Variants in CD1B observed in about 807,000 individuals in gnomAD.
The protein encoded by CD1B is CD1b molecule, also known as T-cell surface glycoprotein CD1b.
In CD1B, 43 loss-of-function variants were observed where a neutral mutation model predicts 39.8. The observed-to-expected ratio is 1.08, with a 90% CI of 0.85 to 1.39. The LOEUF (loss-of-function observed/expected upper bound fraction) is 1.39, where lower values mean the gene tolerates loss of function less well. Among genes scored for constraint, CD1B ranks in the 40% most tolerant of loss-of-function variants. The pLI is 0.00. For missense variants in CD1B, 495 were observed against 403.8 expected, an observed-to-expected ratio of 1.23 and a Z score of -1.94; for synonymous variants, 192 against 152.5, an observed-to-expected ratio of 1.26 and a Z score of -1.91.
chr1:158,330,849 A>T lies in CD1B; in HGVS notation c.275T>A (p.Ile92Asn). The change falls in exon 2 of 6, where the codon ATC (isoleucine) becomes AAC (asparagine). Residue 92 changes from isoleucine (I) to asparagine (N), a missense_variant. By Grantham distance (149) the Ile-to-Asn change is moderately radical. Coordinates refer to ENST00000368168, the MANE Select transcript of CD1B (RefSeq NM_001764.3). ...AELEEIFRVY[I>N]FGFAREVQDF... ...TTGTACTTCTCGAGCGAATCCAAAGATGTAGACTCGGAATATCTCCTCTAA... is the reference window on the plus strand; with the variant it reads ...TTGTACTTCTCGAGCGAATCCAAAGTTGTAGACTCGGAATATCTCCTCTAA... 1 of 1,614,140 alleles carries T rather than the reference A, an allele frequency of 6.2e-7. No individual in the cohort carries two copies. The highest frequency in any genetic ancestry group is 8.5e-7 in the Non-Finnish European group (1 of 1,179,984).
chr1:158,316,151 G>C, the CD1B span, among the ~76,000 whole-genome samples: 1 of 151,840 alleles, frequency 6.6e-6, no homozygotes, highest in African/African-American at 2.4e-5. Context: ...GCTCTTTTTT[G>C]GTTCCATATG....
At chr1:158,327,768 G>C (rs1464977779), downstream of CD1B, among the ~76,000 whole-genome samples, 1 of 152,200 alleles carries the variant, frequency 6.6e-6, no homozygotes, top group Non-Finnish European at 1.5e-5. Flanking sequence ...CATCTCAGCT[G>C]AGCCTTCAGG....
At chr1:158,292,952 A>C in the CD1B span, 2 of 1,414,818 alleles carry the variant, frequency 1.4e-6, no homozygotes, top group Admixed American at 1.9e-5. Flanking sequence ...TGAGGATAGC[A>C]GACCTAGGTG....
chr1:158,289,943 A>G, the CD1B span: 1 of 815,880 alleles, frequency 1.2e-6, no homozygotes, highest in Non-Finnish European at 2.0e-6. Flanking sequence ...AGTTGCTGTC[A>G]GCGGCTGATG....
chr1:158,314,080 G>T, the CD1B span, among the ~76,000 whole-genome samples: 1 of 151,550 alleles, frequency 6.6e-6, no homozygotes, highest in African/African-American at 2.4e-5. Flanking sequence ...TTAAAAGTTT[G>T]TCAGGTTTTG....
At chr1:158,324,483 G>A (rs1321974192), downstream of CD1B, among the ~76,000 whole-genome samples, 4 of 152,282 alleles carry the variant, frequency 2.6e-5, no homozygotes, top group South Asian at 6.2e-4. Flanking sequence ...AACATATATA[G>A]TGGGATTAGA....
At chr1:158,313,718 T>G in the CD1B span, among the ~76,000 whole-genome samples, 130 of 152,328 alleles carry the variant, frequency 8.5e-4, 4 homozygotes, top group South Asian at 0.023. Flanking sequence ...TCAGTTTTTT[T>G]GGGGGCAGTT....
chr1:158,325,710 T>A (rs927792394), downstream of CD1B, among the ~76,000 whole-genome samples: 3 of 152,104 alleles, frequency 2.0e-5, no homozygotes, highest in Non-Finnish European at 4.4e-5. Flanking sequence ...TTTCTGGTGA[T>A]CTCAATCTTT....
the CD1B span, among the ~76,000 whole-genome samples, chr1:158,287,771 A>C: frequency 6.6e-6 from 1 of 152,216 alleles, no homozygotes; most frequent in East Asian, 1.9e-4. Flanking sequence ...TTATAAATAA[A>C]CTTTAGAACT....
chr1:158,330,176 A>G (rs940659607), intron 2 of CD1B, 46 bp from the exon 3 acceptor site: 2 of 1,525,988 alleles, frequency 1.3e-6, no homozygotes, highest in African/African-American at 1.4e-5. Context: ...CAAATAAGAA[A>G]AAAAGGCATG....
chr1:158,311,850 T>C, the CD1B span, among the ~76,000 whole-genome samples: 7 of 152,332 alleles, frequency 4.6e-5, no homozygotes, highest in African/African-American at 1.4e-4. Context: ...GTTCCGCTGA[T>C]CTATGTATCT....
At chr1:158,303,531 T>G in the CD1B span, among the ~76,000 whole-genome samples, 1 of 152,198 alleles carries the variant, frequency 6.6e-6, no homozygotes, top group Non-Finnish European at 1.5e-5. Context: ...CCCCATAGTC[T>G]CTGTGCAAAG....
chr1:158,300,157 A>T, the CD1B span, among the ~76,000 whole-genome samples: 1 of 152,114 alleles, frequency 6.6e-6, no homozygotes, highest in Non-Finnish European at 1.5e-5. Flanking sequence ...ACTGCTTTAC[A>T]TGTGTCCCAG....
chr1:158,316,285 A>G, the CD1B span, among the ~76,000 whole-genome samples: 1 of 152,146 alleles, frequency 6.6e-6, no homozygotes, highest in Admixed American at 6.5e-5. Flanking sequence ...CTTCCTACCC[A>G]TGAGCATGGA....
the CD1B span, among the ~76,000 whole-genome samples, chr1:158,317,043 T>G: frequency 6.6e-6 from 1 of 151,828 alleles, no homozygotes; most frequent in Non-Finnish European, 1.5e-5. Flanking sequence ...TTTGATGTGC[T>G]GCTGGATTTG....
the CD1B span, among the ~76,000 whole-genome samples, chr1:158,288,245 C>T: frequency 1.4e-4 from 21 of 152,272 alleles, no homozygotes; most frequent in East Asian, 3.9e-3. Context: ...ATATCTGTGG[C>T]CATGATAGGA....
the CD1B span, among the ~76,000 whole-genome samples, chr1:158,314,116 G>C: frequency 0.012 from 1,764 of 152,092 alleles, 34 homozygotes; most frequent in African/African-American, 0.04. Flanking sequence ...ACAGAGTCTA[G>C]CTCCATTGCC....
chr1:158,286,600 T>G, the CD1B span, among the ~76,000 whole-genome samples: 1 of 152,214 alleles, frequency 6.6e-6, no homozygotes, highest in Non-Finnish European at 1.5e-5. Flanking sequence ...CGGCAGGGAC[T>G]GTGGCTGTGA....
chr1:158,297,707 C>T, the CD1B span, among the ~76,000 whole-genome samples: 1 of 152,036 alleles, frequency 6.6e-6, no homozygotes, highest in Non-Finnish European at 1.5e-5. Context: ...CTAAGGCAGG[C>T]CGATTGCTTG....
Sources: allele counts gnomAD v4.1 joint callset (sites outside exome capture counted in the v4.1 genomes callset), GRCh38; gene constraint gnomAD v4.1.1; transcripts MANE v1.5; gene names NCBI Gene and HGNC (gene_info 2026-07-23, HGNC 2026-07-21).